TOX3: variants seen among roughly 807,000 people sequenced by gnomAD.
TOX3 encodes the protein CAG trinucleotide repeat-containing gene F9 protein.
In TOX3, 22 loss-of-function variants were observed where a neutral mutation model predicts 64.3. The observed-to-expected ratio is 0.34, with a 90% CI of 0.24 to 0.49. The LOEUF is 0.49. Ranked by LOEUF, TOX3 falls within the 20% of genes least tolerant of loss-of-function variation. TOX3 has a pLI of 0.99. For missense variants in TOX3, 661 were observed against 714.4 expected (o/e 0.93, Z 0.85); for synonymous variants, 291 against 273.6 (o/e 1.06, Z -0.63).
intron 1 of TOX3, among the ~76,000 whole-genome samples, chr16:52,513,978 T>C (rs1417770783): frequency 6.6e-6 from 1 of 152,226 alleles, no homozygotes; most frequent in Non-Finnish European, 1.5e-5. Context: ...ACAGAAACCT[T>C]GGCTTGGAAA....
intron 1 of TOX3, among the ~76,000 whole-genome samples, chr16:52,520,862 A>G (rs954146685): frequency 2.0e-5 from 3 of 152,226 alleles, no homozygotes; most frequent in African/African-American, 7.2e-5. Flanking sequence ...TGGCTAAGGT[A>G]TAGTATTGTG....
chr16:52,538,430 C>T (rs1192929871), intron 1 of TOX3, among the ~76,000 whole-genome samples: 1 of 152,100 alleles, frequency 6.6e-6, no homozygotes, highest in Non-Finnish European at 1.5e-5. Context: ...TGGAAAAAAT[C>T]TCACAATTTG....
At chr16:52,448,524 G>A (rs565457425) in intron 4 of TOX3, among the ~76,000 whole-genome samples, 1 of 152,276 alleles carries the variant, frequency 6.6e-6, no homozygotes, top group East Asian at 1.9e-4. Context: ...TTCTGTGACT[G>A]TGAGAAGACT....
At chr16:52,518,663 C>T (rs1962519476) in intron 1 of TOX3, among the ~76,000 whole-genome samples, 1 of 152,154 alleles carries the variant, frequency 6.6e-6, no homozygotes, top group South Asian at 2.1e-4. Flanking sequence ...TCTTAAATAT[C>T]TACATTATCT....
intron 1 of TOX3, among the ~76,000 whole-genome samples, chr16:52,528,768 A>G (rs546267657): frequency 1.3e-4 from 20 of 152,362 alleles, no homozygotes; most frequent in Admixed American, 1.2e-3. Flanking sequence ...ATGGTGAAGT[A>G]CATTTGTATT....
Position 52,437,787 on chromosome 16 carries a change from CTT to C in TOX3, c.*1436_*1437del, listed in dbSNP as rs1491225149. 6.4e-5 allele frequency among the ~76,000 whole-genome samples: 4 copies of C among 62,314 alleles called. No homozygotes were observed. The highest frequency in any genetic ancestry group is 1.1e-4 in the Non-Finnish European group (4 of 35,540). 40.9% of individuals were successfully genotyped at this position (62,314 alleles called of 152,430 possible). ...CTCTATACTTACCTTGTACTTGCAT[CTT>C]AAAAAAAAAAAAAAAAAAAAAAAAG... On this transcript the variant is annotated 3_prime_UTR_variant, in exon 7 of 7. Transcript: ENST00000219746.
chr16:52,459,997 T>C (rs1400486855), intron 3 of TOX3, among the ~76,000 whole-genome samples: 1 of 152,174 alleles, frequency 6.6e-6, no homozygotes, highest in Non-Finnish European at 1.5e-5. Context: ...GATATCTGTC[T>C]GGATTATGAC....
intron 1 of TOX3, among the ~76,000 whole-genome samples, chr16:52,538,224 T>C (rs1015326051): frequency 6.6e-6 from 1 of 152,182 alleles, no homozygotes; most frequent in Non-Finnish European, 1.5e-5. Context: ...CTGTTTGATA[T>C]TTCTAGATTT....
chr16:52,454,835 C>T (rs188200764), intron 3 of TOX3, among the ~76,000 whole-genome samples: 4 of 152,238 alleles, frequency 2.6e-5, no homozygotes, highest in Admixed American at 2.6e-4. Context: ...AATGGATGAA[C>T]AAATTTACTA....
chr16:52,444,517 A>ACACACC, intron 5 of TOX3, 161 bp from the exon 6 acceptor site: 1 of 445,872 alleles, frequency 2.2e-6, no homozygotes, highest in African/African-American at 2.0e-5. Context: ...ACACACACAC[A>ACACACC]CACACACACA....
intron 4 of TOX3, 52 bp downstream of exon 4, chr16:52,450,225 G>C: frequency 1.2e-6 from 2 of 1,602,526 alleles, no homozygotes; most frequent in Admixed American, 1.7e-5. Context: ...AAACAGCATG[G>C]GGTAATCCCA....
intron 1 of TOX3, 40 bp from the exon 2 acceptor site, chr16:52,468,614 A>C: frequency 6.7e-7 from 1 of 1,488,390 alleles, no homozygotes; most frequent in Non-Finnish European, 9.3e-7. Flanking sequence ...TATGCGGCAT[A>C]ATAAAGCATT....
intron 1 of TOX3, among the ~76,000 whole-genome samples, chr16:52,479,418 A>G (rs1961307442): frequency 6.6e-6 from 1 of 152,238 alleles, no homozygotes; most frequent in African/African-American, 2.4e-5. Flanking sequence ...GTTTGCAGGT[A>G]GAGAAGAAAC....
intron 1 of TOX3, among the ~76,000 whole-genome samples, chr16:52,484,536 A>G (rs2151451554): frequency 6.6e-6 from 1 of 152,316 alleles, no homozygotes; most frequent in Middle Eastern, 3.4e-3. Flanking sequence ...AAAATAACAA[A>G]CAGCAATAAT....
At chr16:52,521,846 C>T (rs984279413) in intron 1 of TOX3, among the ~76,000 whole-genome samples, 18 of 152,176 alleles carry the variant, frequency 1.2e-4, no homozygotes, top group African/African-American at 3.9e-4. Context: ...TCTAACAAGG[C>T]GTTCAGGTGA....
At chr16:52,545,707 C>T (rs1332308801) in intron 1 of TOX3, among the ~76,000 whole-genome samples, 1 of 152,110 alleles carries the variant, frequency 6.6e-6, no homozygotes, top group African/African-American at 2.4e-5. Flanking sequence ...CTGAATCTCG[C>T]CCTCAGGGTG....
chr16:52,488,573 G>A (rs554453116), intron 1 of TOX3, among the ~76,000 whole-genome samples: 2 of 152,186 alleles, frequency 1.3e-5, no homozygotes, highest in South Asian at 2.1e-4. Context: ...CTTTTTAGTG[G>A]AAGAGGCAAT....
intron 1 of TOX3, among the ~76,000 whole-genome samples, chr16:52,483,563 G>GGT (rs1961422967): frequency 9.9e-6 from 1 of 101,366 alleles, no homozygotes; most frequent in Non-Finnish European, 2.1e-5. Context: ...AGGGCAGTTT[G>GGT]GTTTTTTTTT....
intron 1 of TOX3, among the ~76,000 whole-genome samples, chr16:52,527,310 C>T (rs1962747421): frequency 6.6e-6 from 1 of 152,234 alleles, no homozygotes; most frequent in Non-Finnish European, 1.5e-5. Flanking sequence ...CATATTGCTC[C>T]TATTTATTAT....
Sources: gnomAD v4.1 joint callset for allele counts (sites outside exome capture counted in the v4.1 genomes callset) on GRCh38, gnomAD v4.1.1 for gene constraint, MANE v1.5 for transcripts, NCBI Gene and HGNC (gene_info 2026-07-23, HGNC 2026-07-21) for gene names.